The following AGBL1 variants were observed in gnomAD, a reference collection of about 807,000 sequenced individuals.
AGBL1 encodes cytosolic carboxypeptidase 4.
AGBL1 carries 130 observed loss-of-function variants against 118.9 expected under a neutral mutation model. That is an observed-to-expected ratio of 1.09 (90% confidence interval 0.95 to 1.26). The LOEUF (loss-of-function observed/expected upper bound fraction) is 1.26. Ranked by LOEUF, AGBL1 falls within the 50% of genes most tolerant of loss-of-function variation. The pLI is 0.00. For missense variants in AGBL1, 1,584 were observed against 1,298.1 expected (o/e 1.22, Z -3.38); for synonymous variants, 555 against 478.9 (o/e 1.16, Z -2.08).
chr15:86,583,090 A>G (rs1055855948), intron 21 of AGBL1, among the ~76,000 whole-genome samples: 3 of 152,046 alleles, frequency 2.0e-5, no homozygotes, highest in Non-Finnish European at 2.9e-5. Context: ...GGGGAATGTA[A>G]ATATGATTAG....
At chr15:86,995,221 TAC>T (rs1308140378) in intron 24 of AGBL1, among the ~76,000 whole-genome samples, 2 of 152,028 alleles carry the variant, frequency 1.3e-5, no homozygotes, top group Non-Finnish European at 2.9e-5. Context: ...ACTCCATCTC[TAC>T]AAAAAATTTA....
intron 3 of AGBL1, among the ~76,000 whole-genome samples, chr15:86,148,946 A>G (rs2077069082): frequency 6.6e-6 from 1 of 152,240 alleles, no homozygotes; most frequent in Non-Finnish European, 1.5e-5. Context: ...AAACCCTACA[A>G]GCCAGAAGAG....
chr15:86,155,650 T>G (rs1429999429), intron 4 of AGBL1, among the ~76,000 whole-genome samples: 1 of 152,140 alleles, frequency 6.6e-6, no homozygotes. Context: ...TCCTATGAAA[T>G]GAAAGTGACA....
At chr15:87,013,052 A>G (rs955056493) in intron 24 of AGBL1, among the ~76,000 whole-genome samples, 13 of 152,146 alleles carry the variant, frequency 8.5e-5, no homozygotes, top group African/African-American at 3.1e-4. Context: ...ACTGTTAAGT[A>G]TTTTCTTGTA....
intron 24 of AGBL1, among the ~76,000 whole-genome samples, chr15:87,011,832 T>C (rs896002731): frequency 2.0e-5 from 3 of 152,218 alleles, no homozygotes; most frequent in Non-Finnish European, 4.4e-5. Flanking sequence ...ATTGGAGATA[T>C]TATATTCAGA....
At chr15:86,238,031 C>A (rs1261291694) in intron 6 of AGBL1, among the ~76,000 whole-genome samples, 1 of 152,192 alleles carries the variant, frequency 6.6e-6, no homozygotes, top group Non-Finnish European at 1.5e-5. Context: ...CATCCTGGTT[C>A]CTTCTTGTCG....
intron 17 of AGBL1, among the ~76,000 whole-genome samples, chr15:86,356,355 T>TGTGTGTGC (rs151263305): frequency 0.034 from 5,175 of 150,956 alleles, 208 homozygotes; most frequent in East Asian, 0.19. Flanking sequence ...TGTGTGTGTG[T>TGTGTGTGC]GCGCGTGCGC....
At chr15:86,139,952 G>T in intron 1 of AGBL1, 1 of 157,740 alleles carries the variant, frequency 6.3e-6, no homozygotes. Flanking sequence ...ACTGTGGGCC[G>T]GTGGCACTTG....
intron 22 of AGBL1, among the ~76,000 whole-genome samples, chr15:86,706,060 G>C (rs538258639): frequency 3.4e-4 from 52 of 152,102 alleles, no homozygotes; most frequent in Non-Finnish European, 6.2e-4. Context: ...TAATTTCATG[G>C]CTTAATTTCC....
At position 86,381,170 on chromosome 15, in the gene AGBL1, T is replaced by C. The variant is rs538698695; in HGVS notation, c.2375-16196T>C. Among the ~76,000 whole-genome samples, 5 of 152,208 alleles carry C rather than the reference T, an allele frequency of 3.3e-5. No individual in the cohort carries two copies. The South Asian group carries it at 8.3e-4, about 25-fold the overall frequency. On this transcript the variant is annotated intron_variant, in intron 17 of 22. Coordinates refer to ENST00000614907, the MANE Select transcript of AGBL1 (RefSeq NM_001386094.1). Reference sequence around the variant, plus strand: ...ATTTGAAAAAGTTTCATGTTTGCTTTTACAACTATTTGGCTATGGATGATA... The same window carrying C: ...ATTTGAAAAAGTTTCATGTTTGCTTCTACAACTATTTGGCTATGGATGATA...
chr15:86,286,685 G>GTATA (rs769698843), intron 16 of AGBL1, among the ~76,000 whole-genome samples: 2 of 146,804 alleles, frequency 1.4e-5, no homozygotes, highest in African/African-American at 5.2e-5. Flanking sequence ...GTGTATGTAT[G>GTATA]TATATATATA....
chr15:86,365,657 T>C (rs1596021160), intron 17 of AGBL1, among the ~76,000 whole-genome samples: 1 of 150,746 alleles, frequency 6.6e-6, no homozygotes, highest in Non-Finnish European at 1.5e-5. Flanking sequence ...TTTTAGCCCT[T>C]TTTCTCACTC....
intron 1 of AGBL1, among the ~76,000 whole-genome samples, chr15:86,114,877 G>A (rs1056102342): frequency 3.9e-5 from 6 of 152,148 alleles, no homozygotes; most frequent in African/African-American, 1.2e-4. Flanking sequence ...TTGGAGCCTC[G>A]TTCTGATGAG....
chr15:86,378,667 A>C (rs1054753048), intron 17 of AGBL1, among the ~76,000 whole-genome samples: 2 of 141,888 alleles, frequency 1.4e-5, no homozygotes, highest in Non-Finnish European at 3.0e-5. Flanking sequence ...AATTTTTACA[A>C]TGCAGTGAGA....
At chr15:86,833,735 A>G (rs4442776) in intron 22 of AGBL1, among the ~76,000 whole-genome samples, 5,763 of 152,270 alleles carry the variant, frequency 0.038, 318 homozygotes, top group Admixed American at 0.15. Context: ...CAGCTGGGAC[A>G]CTATTTTCTT....
At chr15:86,948,544 G>C (rs2141666692) in intron 23 of AGBL1, among the ~76,000 whole-genome samples, 1 of 152,318 alleles carries the variant, frequency 6.6e-6, no homozygotes, top group East Asian at 1.9e-4. Context: ...ACTGCCATAA[G>C]ATTACCCTTC....
chr15:86,330,134 C>T (rs1210913187), intron 17 of AGBL1, among the ~76,000 whole-genome samples: 1 of 152,310 alleles, frequency 6.6e-6, no homozygotes, highest in Admixed American at 6.5e-5. Context: ...GCTGCTGCCT[C>T]CCTGGGAGCT....
At chr15:86,554,307 A>T in intron 20 of AGBL1, 54 bp from the exon 21 acceptor site, 1 of 1,408,800 alleles carries the variant, frequency 7.1e-7, no homozygotes, top group Non-Finnish European at 9.6e-7. Flanking sequence ...TTTTATGATG[A>T]CTATCCCTAG....
chr15:86,143,550 T>A, intron 2 of AGBL1, 149 bp from the exon 3 acceptor site: 1 of 947,668 alleles, frequency 1.1e-6, no homozygotes, highest in Non-Finnish European at 1.5e-6. Flanking sequence ...TAGTACAACT[T>A]TAACACAGGT....
Sources: allele counts gnomAD v4.1 joint callset (sites outside exome capture counted in the v4.1 genomes callset), GRCh38; gene constraint gnomAD v4.1.1; transcripts MANE v1.5; gene names NCBI Gene and HGNC (gene_info 2026-07-23, HGNC 2026-07-21).